RXFP1: variants seen among roughly 807,000 people sequenced by gnomAD.
RXFP1 encodes the protein relaxin receptor 1.
RXFP1 carries 73 observed loss-of-function variants against 89.8 expected under a neutral mutation model. The observed-to-expected ratio is 0.81, with a 90% CI of 0.67 to 0.99. The LOEUF is 0.99. Ranked by LOEUF, RXFP1 falls within the 50% of genes least tolerant of loss-of-function variation. The pLI is 0.00. For missense variants in RXFP1, 793 were observed against 895.5 expected (o/e 0.89, Z 1.46); for synonymous variants, 277 against 305.5 (o/e 0.91, Z 0.97).
chr4:158,609,783 C>A (rs752524101), intron 6 of RXFP1, among the ~76,000 whole-genome samples: 3 of 152,198 alleles, frequency 2.0e-5, no homozygotes, highest in Non-Finnish European at 4.4e-5. Context: ...ATATTGGACT[C>A]ACTCTTCAGG....
At chr4:158,552,239 A>C (rs1750310346) in intron 1 of RXFP1, among the ~76,000 whole-genome samples, 1 of 152,210 alleles carries the variant, frequency 6.6e-6, no homozygotes, top group Non-Finnish European at 1.5e-5. Flanking sequence ...CTGTTACCAC[A>C]CCAGTAAGTA....
At chr4:158,632,934 G>A (rs1393942796) in intron 11 of RXFP1, among the ~76,000 whole-genome samples, 1 of 152,184 alleles carries the variant, frequency 6.6e-6, no homozygotes, top group Non-Finnish European at 1.5e-5. Context: ...GACTTTGGGA[G>A]GCTGAGGCGA....
intron 9 of RXFP1, among the ~76,000 whole-genome samples, chr4:158,617,571 T>C (rs1764845504): frequency 6.6e-6 from 1 of 151,976 alleles, no homozygotes; most frequent in African/African-American, 2.4e-5. Flanking sequence ...TTAATTTCAC[T>C]CTAGAATTCT....
At chr4:158,545,269 A>G (rs1302691711) in intron 1 of RXFP1, among the ~76,000 whole-genome samples, 51 of 151,896 alleles carry the variant, frequency 3.4e-4, no homozygotes, top group African/African-American at 9.9e-4. Flanking sequence ...GTCTGTTCAT[A>G]TCCTTCGCCC....
chr4:158,650,695 G>A (rs1172975423), intron 17 of RXFP1, among the ~76,000 whole-genome samples: 1 of 151,870 alleles, frequency 6.6e-6, no homozygotes, highest in Non-Finnish European at 1.5e-5. Context: ...CTTGAACTTG[G>A]GAGGCAGAGA....
intron 9 of RXFP1, among the ~76,000 whole-genome samples, chr4:158,617,582 GAAT>G (rs1405972082): frequency 6.6e-6 from 1 of 151,746 alleles, no homozygotes; most frequent in East Asian, 1.9e-4. Flanking sequence ...CTAGAATTCT[GAAT>G]AATAAGAATA....
intron 5 of RXFP1, among the ~76,000 whole-genome samples, chr4:158,607,456 G>T (rs1462946922): frequency 2.0e-5 from 3 of 152,136 alleles, no homozygotes; most frequent in Non-Finnish European, 4.4e-5. Flanking sequence ...CATAGAATAT[G>T]GTTTGGGACA....
At chr4:158,650,101 C>A (rs997105682) in intron 17 of RXFP1, among the ~76,000 whole-genome samples, 5 of 152,122 alleles carry the variant, frequency 3.3e-5, no homozygotes, top group Non-Finnish European at 7.4e-5. Flanking sequence ...TATAGATGAA[C>A]CTTGAAGATA....
chr4:158,555,526 T>G (rs1357747454), intron 1 of RXFP1, among the ~76,000 whole-genome samples: 3 of 152,200 alleles, frequency 2.0e-5, no homozygotes, highest in Non-Finnish European at 4.4e-5. Flanking sequence ...AAGAGAAAGG[T>G]GCAATAGCCG....
At chr4:158,630,831 T>C (rs1264327818) in intron 11 of RXFP1, among the ~76,000 whole-genome samples, 2 of 152,138 alleles carry the variant, frequency 1.3e-5, no homozygotes, top group Admixed American at 6.5e-5. Context: ...TGAGAGAGGG[T>C]TGAACTACAC....
At chr4:158,538,059 A>G (rs2085236) in intron 1 of RXFP1, among the ~76,000 whole-genome samples, 138,483 of 152,260 alleles carry the variant, frequency 0.91, 64,359 homozygotes, top group East Asian at 1. Context: ...ATCAAGAGAG[A>G]ACAGTGTTTG....
chr4:158,610,748 A>G, intron 6 of RXFP1: 2 of 1,270,296 alleles, frequency 1.6e-6, no homozygotes, highest in African/African-American at 1.5e-5. Context: ...GTATAAGAGA[A>G]CACCCTGAGG....
chr4:158,526,821 G>A (rs754117811), intron 1 of RXFP1, among the ~76,000 whole-genome samples: 2 of 152,136 alleles, frequency 1.3e-5, no homozygotes, highest in East Asian at 1.9e-4. Flanking sequence ...CTTTGGGAAC[G>A]GTACTCTTGG....
chr4:158,532,760 T>C (rs1744371274), intron 1 of RXFP1, among the ~76,000 whole-genome samples: 1 of 152,154 alleles, frequency 6.6e-6, no homozygotes, highest in African/African-American at 2.4e-5. Context: ...CAAGTGTCCT[T>C]CCTCACCTAT....
intron 1 of RXFP1, among the ~76,000 whole-genome samples, chr4:158,525,014 C>T (rs940335251): frequency 6.6e-6 from 1 of 152,084 alleles, no homozygotes; most frequent in Admixed American, 6.6e-5. Flanking sequence ...TGCTTTGGAT[C>T]CCAGCACTGG....
intron 8 of RXFP1, 72 bp from the exon 9 acceptor site, chr4:158,617,059 A>T: frequency 9.8e-7 from 1 of 1,024,374 alleles, no homozygotes; most frequent in East Asian, 2.5e-5. Flanking sequence ...AAGAATAATA[A>T]TAATACCATG....
intron 11 of RXFP1, among the ~76,000 whole-genome samples, chr4:158,631,948 C>G (rs903483930): frequency 2.6e-5 from 4 of 152,122 alleles, no homozygotes; most frequent in Non-Finnish European, 4.4e-5. Flanking sequence ...CAAAGATTAG[C>G]TGGGCATGGT....
At chr4:158,636,767 G>A (rs935355454) in intron 12 of RXFP1, among the ~76,000 whole-genome samples, 3 of 152,058 alleles carry the variant, frequency 2.0e-5, no homozygotes, top group African/African-American at 7.2e-5. Flanking sequence ...AACACTTAAC[G>A]TCTACTCTCT....
At chr4:158,537,497 A>G (rs1745557187) in intron 1 of RXFP1, among the ~76,000 whole-genome samples, 1 of 152,180 alleles carries the variant, frequency 6.6e-6, no homozygotes, top group Non-Finnish European at 1.5e-5. Context: ...ATAGTTACAG[A>G]AATTGGGTCT....
Sources: gnomAD v4.1 joint callset for allele counts (sites outside exome capture counted in the v4.1 genomes callset) on GRCh38, gnomAD v4.1.1 for gene constraint, MANE v1.5 for transcripts, NCBI Gene and HGNC (gene_info 2026-07-23, HGNC 2026-07-21) for gene names.